NSUN6: variants seen among roughly 807,000 people sequenced by gnomAD.
The protein encoded by NSUN6 is NOP2/Sun RNA methyltransferase 6, also known as tRNA (cytosine(72)-C(5))-methyltransferase NSUN6.
NSUN6 carries 64 observed loss-of-function variants against 58.0 expected under a neutral mutation model. That is an observed-to-expected ratio of 1.10 (90% CI 0.90 to 1.36). NSUN6 has a LOEUF of 1.36. NSUN6 is among the 40% of genes most tolerant of loss of function. The pLI, the probability that NSUN6 is intolerant of heterozygous loss-of-function variation, is 0.00. For missense variants in NSUN6, 701 were observed against 550.1 expected (o/e 1.27, Z -2.74); for synonymous variants, 231 against 193.9 (o/e 1.19, Z -1.59).
At chr10:18,644,132 C>T (rs1252469513) in intron 2 of NSUN6, among the ~76,000 whole-genome samples, 1 of 152,188 alleles carries the variant, frequency 6.6e-6, no homozygotes, top group African/African-American at 2.4e-5. Flanking sequence ...CATCATCCCA[C>T]AAAGATCCTT....
intron 8 of NSUN6, among the ~76,000 whole-genome samples, chr10:18,577,837 C>G (rs2056728073): frequency 6.6e-6 from 1 of 152,204 alleles, no homozygotes; most frequent in Admixed American, 6.5e-5. Context: ...CCCGCCAAAC[C>G]ACTCACCCTG....
Position 18,639,164 on chromosome 10 carries a change from C to G in NSUN6, c.311+3312G>C, listed in dbSNP as rs377055357. ...AGGAATTTTAGGGAAAATTTAACTCCAGGAACCTCCTCATTTCTCATAATG... is the reference window on the plus strand; with the variant it reads ...AGGAATTTTAGGGAAAATTTAACTCGAGGAACCTCCTCATTTCTCATAATG... On this transcript the variant is annotated intron_variant, in intron 3 of 10. Coordinates refer to ENST00000377304, the MANE Select transcript of NSUN6 (RefSeq NM_182543.5). Among the ~76,000 whole-genome samples, 161 of 152,110 alleles carry G rather than the reference C, an allele frequency of 1.1e-3. 6 individuals carry two copies. The East Asian group carries it at 0.023, about 21-fold the overall frequency.
intron 3 of NSUN6, among the ~76,000 whole-genome samples, chr10:18,627,537 C>A (rs970918428): frequency 6.6e-5 from 10 of 152,174 alleles, no homozygotes; most frequent in Non-Finnish European, 8.8e-5. Context: ...ACAGTGGGCG[C>A]AGGTCAGTGG....
chr10:18,627,818 G>A (rs1186184765), intron 3 of NSUN6, among the ~76,000 whole-genome samples: 1 of 152,246 alleles, frequency 6.6e-6, no homozygotes. Flanking sequence ...TAAGGCGGCA[G>A]CCAGGCTGGG....
At chr10:18,638,235 G>C (rs188874655) in intron 3 of NSUN6, among the ~76,000 whole-genome samples, 119 of 152,266 alleles carry the variant, frequency 7.8e-4, no homozygotes, top group African/African-American at 2.8e-3. Flanking sequence ...CTGAGGTCAC[G>C]AATTTGAGAC....
At chr10:18,644,532 A>G (rs2059483880) in intron 2 of NSUN6, among the ~76,000 whole-genome samples, 1 of 149,568 alleles carries the variant, frequency 6.7e-6, no homozygotes, top group Non-Finnish European at 1.5e-5. Flanking sequence ...GTGCTTACAT[A>G]TGAGTAAGTA....
At chr10:18,604,058 T>G (rs951101488) in intron 6 of NSUN6, among the ~76,000 whole-genome samples, 1 of 151,996 alleles carries the variant, frequency 6.6e-6, no homozygotes, top group Admixed American at 6.6e-5. Context: ...GGCGGGGGCC[T>G]GCAGTCCCAC....
At chr10:18,572,132 T>C (rs1328994800) in intron 8 of NSUN6, among the ~76,000 whole-genome samples, 1 of 151,638 alleles carries the variant, frequency 6.6e-6, no homozygotes, top group Non-Finnish European at 1.5e-5. Context: ...TCAATCTCCA[T>C]TCCCTTCCAT....
At chr10:18,555,518 G>A (rs1447888753) in intron 8 of NSUN6, among the ~76,000 whole-genome samples, 1 of 151,282 alleles carries the variant, frequency 6.6e-6, no homozygotes, top group African/African-American at 2.4e-5. Flanking sequence ...AGAATGGAAT[G>A]GAAGGGAGCA....
chr10:18,624,985 C>A (rs180964024), intron 3 of NSUN6, among the ~76,000 whole-genome samples: 1 of 152,132 alleles, frequency 6.6e-6, no homozygotes. Flanking sequence ...CCTATGTGAC[C>A]AGCCCAATAA....
rs184043872 is a variant in NSUN6 at position 18,619,646 on chromosome 10, G to A, written c.312-3353C>T. On this transcript the variant is annotated intron_variant, in intron 3 of 10. Coordinates refer to ENST00000377304, the MANE Select transcript of NSUN6 (RefSeq NM_182543.5). The stretch of plus-strand genomic sequence containing the variant: ...TGTTCTTTTTTACTTAGCACTCCTC[G>A]GTGTATGTAGCAAAAACATCTTCAT... 9.2e-5 allele frequency among the ~76,000 whole-genome samples: 14 copies of A among 152,000 alleles called. No homozygotes were observed. In the East Asian group the frequency reaches 2.1e-3, roughly 23 times the overall value.
At chr10:18,595,181 G>A (rs533402178) in intron 7 of NSUN6, among the ~76,000 whole-genome samples, 2 of 152,232 alleles carry the variant, frequency 1.3e-5, no homozygotes, top group African/African-American at 2.4e-5. Context: ...CAGTACATGA[G>A]TGAGCCCAGC....
At chr10:18,635,743 C>T (rs1012344964) in intron 3 of NSUN6, among the ~76,000 whole-genome samples, 2 of 151,686 alleles carry the variant, frequency 1.3e-5, no homozygotes, top group African/African-American at 2.4e-5. Context: ...GAGGCTGAGG[C>T]AGGAGAACCA....
intron 8 of NSUN6, among the ~76,000 whole-genome samples, chr10:18,553,578 G>A (rs2054761292): frequency 6.6e-6 from 1 of 151,290 alleles, no homozygotes. Flanking sequence ...AGTGTGGAAT[G>A]GAGATTGTTT....
chr10:18,606,595 G>A (rs1012315292), intron 6 of NSUN6, among the ~76,000 whole-genome samples: 1 of 152,208 alleles, frequency 6.6e-6, no homozygotes, highest in Non-Finnish European at 1.5e-5. Context: ...TTTCTAAGCT[G>A]TATCAAATGT....
intron 8 of NSUN6, among the ~76,000 whole-genome samples, chr10:18,582,865 G>A (rs1465844536): frequency 6.6e-6 from 1 of 152,196 alleles, no homozygotes; most frequent in African/African-American, 2.4e-5. Context: ...TAAAATAGTG[G>A]AGCCATGACA....
chr10:18,599,587 G>A (rs1013095540), intron 6 of NSUN6, among the ~76,000 whole-genome samples: 47 of 152,108 alleles, frequency 3.1e-4, no homozygotes, highest in African/African-American at 9.4e-4. Context: ...GGAGCCATGC[G>A]CCACTGCTGG....
At chr10:18,656,072 CGTGA>C (rs536744626), upstream of NSUN6, among the ~76,000 whole-genome samples, 142 of 152,268 alleles carry the variant, frequency 9.3e-4, 1 homozygote, top group African/African-American at 3.4e-3. Context: ...AGGAGCGAGA[CGTGA>C]GTTTCTTTTA....
chr10:18,636,257 A>G (rs1422942782), intron 3 of NSUN6, among the ~76,000 whole-genome samples: 1 of 151,992 alleles, frequency 6.6e-6, no homozygotes, highest in Non-Finnish European at 1.5e-5. Flanking sequence ...ATTAATAAAG[A>G]TAAGAAATGA....
Sources: allele counts gnomAD v4.1 joint callset (sites outside exome capture counted in the v4.1 genomes callset), GRCh38; gene constraint gnomAD v4.1.1; transcripts MANE v1.5; gene names NCBI Gene and HGNC (gene_info 2026-07-23, HGNC 2026-07-21).